NUBPL: variants seen among roughly 807,000 people sequenced by gnomAD.
NUBPL encodes iron-sulfur cluster transfer protein NUBPL.
Under a neutral mutation model 45.7 loss-of-function variants are expected in NUBPL, and 31 were observed. The ratio of observed to expected loss-of-function variants is 0.68; its 90% CI spans 0.51 to 0.92. The LOEUF is 0.92. NUBPL is among the 40% of genes least tolerant of loss of function. The pLI, the probability that NUBPL is intolerant of heterozygous loss-of-function variation, is 0.00. For synonymous variants in NUBPL, 144 were observed against 140.9 expected (o/e 1.02, Z -0.15); for missense variants, 401 against 398.7 (o/e 1.01, Z -0.05).
intron 6 of NUBPL, among the ~76,000 whole-genome samples, chr14:31,767,886 A>G (rs2038941896): frequency 6.6e-6 from 1 of 152,184 alleles, no homozygotes. Context: ...ATACGTACAT[A>G]CATGCCTTTA....
At chr14:31,771,756 A>G (rs924927409) in intron 6 of NUBPL, 1 of 356,466 alleles carries the variant, frequency 2.8e-6, no homozygotes, top group East Asian at 1.7e-4. Flanking sequence ...TAGGCTCTCA[A>G]TAACTATTAA....
chr14:31,576,087 A>G (rs1158541613), intron 3 of NUBPL, among the ~76,000 whole-genome samples: 1 of 152,200 alleles, frequency 6.6e-6, no homozygotes, highest in Non-Finnish European at 1.5e-5. Flanking sequence ...TCAGGATAAG[A>G]AATGGAAATA....
chr14:31,805,234 A>G (rs2039663217), intron 7 of NUBPL, among the ~76,000 whole-genome samples: 1 of 152,236 alleles, frequency 6.6e-6, no homozygotes, highest in Non-Finnish European at 1.5e-5. Context: ...ACCAGTCAGA[A>G]TGGCTGTTAT....
At chr14:31,736,675 T>C (rs2038173065) in intron 6 of NUBPL, among the ~76,000 whole-genome samples, 1 of 152,196 alleles carries the variant, frequency 6.6e-6, no homozygotes, top group Non-Finnish European at 1.5e-5. Context: ...ATGTGTATGT[T>C]TTATGGGATT....
intron 7 of NUBPL, among the ~76,000 whole-genome samples, chr14:31,815,097 G>A (rs1031044197): frequency 6.6e-6 from 1 of 152,084 alleles, no homozygotes; most frequent in African/African-American, 2.4e-5. Context: ...GCTTGATGGG[G>A]ATAGCATTGA....
At chr14:31,701,524 C>G (rs1373542365) in intron 6 of NUBPL, among the ~76,000 whole-genome samples, 3 of 152,256 alleles carry the variant, frequency 2.0e-5, no homozygotes, top group African/African-American at 7.2e-5. Flanking sequence ...CGCAATAAAT[C>G]TTGCTGCTGT....
intron 4 of NUBPL, among the ~76,000 whole-genome samples, chr14:31,612,749 A>T (rs1426389295): frequency 1.3e-5 from 2 of 152,242 alleles, no homozygotes; most frequent in Admixed American, 1.3e-4. Context: ...CTCCAGTGAG[A>T]TATCATCTCC....
intron 3 of NUBPL, among the ~76,000 whole-genome samples, chr14:31,566,206 A>C (rs1416316074): frequency 6.6e-6 from 1 of 152,158 alleles, no homozygotes; most frequent in Non-Finnish European, 1.5e-5. Flanking sequence ...TGTTATCAGT[A>C]TATGGAGTCC....
At chr14:31,758,485 T>G (rs1318022216) in intron 6 of NUBPL, among the ~76,000 whole-genome samples, 1 of 152,206 alleles carries the variant, frequency 6.6e-6, no homozygotes, top group Non-Finnish European at 1.5e-5. Context: ...AGCATTTATT[T>G]TAAAATACCT....
rs375560679 is a variant in NUBPL, at chr14:31,743,963, ACT to A, written c.514-43812_514-43811del. Among the ~76,000 whole-genome samples the A allele has an allele frequency of 2.1e-3, 327 of 152,240 alleles. 3 individuals carry two copies. The highest frequency in any genetic ancestry group is 7.5e-3 in the African/African-American group (310 of 41,544). Reference sequence around the variant, plus strand: ...CTTGCTATTGTCAGGTTAAGCCATAACTCTCTGTTTCTCATCTTATGCAGTTT... The same window carrying A: ...CTTGCTATTGTCAGGTTAAGCCATAACTCTGTTTCTCATCTTATGCAGTTT... On this transcript the variant is annotated intron_variant, in intron 6 of 10. Transcript: ENST00000281081.
chr14:31,763,223 G>T (rs1248703313), intron 6 of NUBPL, among the ~76,000 whole-genome samples: 1 of 152,080 alleles, frequency 6.6e-6, no homozygotes, highest in African/African-American at 2.4e-5. Flanking sequence ...GGGTGTGGAA[G>T]GTCTCTTTTG....
Position 31,835,075 on chromosome 14 carries a change from A to C in NUBPL, c.693+8361A>C, listed in dbSNP as rs148710528. Among the ~76,000 whole-genome samples, 275 of 152,328 alleles carry C rather than the reference A, an allele frequency of 1.8e-3. 1 individual carries two copies. Among genetic ancestry groups the C allele is most frequent in the Non-Finnish European group, 2.1e-3 (143 of 68,028 alleles). ...GAAAATGGGGAGGAGTTAAGGAGCC[A>C]TAGGTTCTGTTGACAGTTAAGGAGG... On this transcript the variant is annotated intron_variant, in intron 8 of 10. Coordinates refer to ENST00000281081, the MANE Select transcript of NUBPL (RefSeq NM_025152.3).
At chr14:31,786,250 T>C (rs1343512475) in intron 6 of NUBPL, among the ~76,000 whole-genome samples, 1 of 152,174 alleles carries the variant, frequency 6.6e-6, no homozygotes, top group Non-Finnish European at 1.5e-5. Context: ...AATATGAAAT[T>C]ATATACAGTT....
chr14:31,742,892 C>T (rs1056779212), intron 6 of NUBPL, among the ~76,000 whole-genome samples: 15 of 152,050 alleles, frequency 9.9e-5, no homozygotes, highest in African/African-American at 1.9e-4. Context: ...CAGGCGTGAG[C>T]CACCGTGCCT....
intron 6 of NUBPL, among the ~76,000 whole-genome samples, chr14:31,739,184 A>G (rs1383760302): frequency 7.1e-6 from 1 of 139,866 alleles, no homozygotes. Context: ...TGGCTAATAT[A>G]TATATATATA....
chr14:31,771,351 A>G (rs1429673697), intron 6 of NUBPL, among the ~76,000 whole-genome samples: 1 of 152,226 alleles, frequency 6.6e-6, no homozygotes, highest in African/African-American at 2.4e-5. Flanking sequence ...AAAGGAAAGC[A>G]AATGAATAAT....
At chr14:31,623,888 G>A (rs991352077) in intron 4 of NUBPL, among the ~76,000 whole-genome samples, 20 of 152,206 alleles carry the variant, frequency 1.3e-4, no homozygotes, top group Non-Finnish European at 2.9e-4. Context: ...AGGTAATTGA[G>A]AGTCCTGTCA....
intron 6 of NUBPL, among the ~76,000 whole-genome samples, chr14:31,775,827 TTACCAAAGG>T (rs202112468): frequency 0.012 from 1,808 of 152,242 alleles, 27 homozygotes; most frequent in African/African-American, 0.034. Flanking sequence ...TGAGAAACTT[TTACCAAAGG>T]TAGGGTTACC....
intron 4 of NUBPL, among the ~76,000 whole-genome samples, chr14:31,627,007 A>C (rs1193277957): frequency 2.0e-5 from 3 of 152,164 alleles, no homozygotes; most frequent in Non-Finnish European, 4.4e-5. Flanking sequence ...AGACCCATGG[A>C]ATAAAAAAAG....
Sources: allele counts gnomAD v4.1 joint callset (sites outside exome capture counted in the v4.1 genomes callset), GRCh38; gene constraint gnomAD v4.1.1; transcripts MANE v1.5; gene names NCBI Gene and HGNC (gene_info 2026-07-23, HGNC 2026-07-21).